Variants in PIK3R5 observed in about 807,000 individuals in gnomAD.
PIK3R5 encodes the protein phosphoinositide 3-kinase regulatory subunit 5.
PIK3R5 carries 32 observed loss-of-function variants against 94.9 expected under a neutral mutation model. The ratio of observed to expected loss-of-function variants is 0.34; its 90% confidence interval spans 0.25 to 0.45. The LOEUF (loss-of-function observed/expected upper bound fraction) is 0.45. Ranked by LOEUF, PIK3R5 falls within the 20% of genes least tolerant of loss-of-function variation. PIK3R5 has a pLI of 1.00. For missense variants in PIK3R5, 853 were observed against 1,144.6 expected (o/e 0.75, Z 3.68); for synonymous variants, 443 against 479.4 (o/e 0.92, Z 0.99).
chr17:8,963,599 G>A (rs902838955), intron 1 of PIK3R5, among the ~76,000 whole-genome samples: 2 of 149,652 alleles, frequency 1.3e-5, no homozygotes, highest in South Asian at 4.3e-4. Context: ...GCGCAGTGAA[G>A]CGATCATAGC....
At chr17:8,905,528 G>A (rs2090375137) in intron 4 of PIK3R5, 141 bp downstream of exon 4, 1 of 535,526 alleles carries the variant, frequency 1.9e-6, no homozygotes, top group African/African-American at 2.0e-5. Flanking sequence ...AGCCATCTAA[G>A]GGTTGAAACC....
In PIK3R5 at chr17:8,890,744, C is replaced by T; in HGVS notation, c.651G>A (p.Arg217=). ...AHCDVPGLHC[R]LQAKTLAELE... ...CCAGGCCCCAGGTACATACCTGTAG[C>T]CTGCAGTGCAGGCCCGGGACGTCAC... The change falls in exon 7 of 19, where the codon AGG becomes AGA. Residue 217 remains arginine (R), a synonymous_variant. Coordinates refer to ENST00000447110, the MANE Select transcript of PIK3R5 (RefSeq NM_001142633.3). This position sits in a 1 kb window ranked among gnomAD's most constrained non-coding sequence, Gnocchi z 6.1. 6.2e-7 allele frequency: 1 copy of T among 1,607,426 alleles called. No homozygotes were observed. The highest frequency in any genetic ancestry group is 8.5e-7 in the Non-Finnish European group (1 of 1,177,198).
intron 1 of PIK3R5, among the ~76,000 whole-genome samples, chr17:8,954,096 A>G (rs1187964540): frequency 6.6e-6 from 1 of 152,170 alleles, no homozygotes; most frequent in Non-Finnish European, 1.5e-5. Context: ...AAAAAGAAAA[A>G]GAAATAACTT....
chr17:8,965,124 G>A (rs958351783), intron 1 of PIK3R5, among the ~76,000 whole-genome samples: 5 of 152,234 alleles, frequency 3.3e-5, no homozygotes, highest in Admixed American at 2.0e-4. Context: ...TGGGCCCAAG[G>A]CTGGCTAACT....
chr17:8,955,436 G>A lies in PIK3R5; in HGVS notation c.-14+10160C>T, dbSNP rs1252358802. 2.0e-5 allele frequency among the ~76,000 whole-genome samples: 3 copies of A among 152,242 alleles called. No homozygotes were observed. Among genetic ancestry groups the A allele is most frequent in the South Asian group, 2.1e-4 (1 of 4,830 alleles). On this transcript the variant is annotated intron_variant, in intron 1 of 18. Coordinates refer to ENST00000447110, the MANE Select transcript of PIK3R5 (RefSeq NM_001142633.3). The surrounding 1 kb of genome is among the most constrained non-coding windows in gnomAD (Gnocchi z 4.4). Reference sequence around the variant, plus strand: ...TCAGGCAGTCTGGCTGGAGGAGAGCGTGATGATTCGTGGAGAAAGGAGTGG... The same window carrying A: ...TCAGGCAGTCTGGCTGGAGGAGAGCATGATGATTCGTGGAGAAAGGAGTGG...
chr17:8,909,035 G>A lies in PIK3R5; in HGVS notation c.204+39C>T, dbSNP rs537567377. ...ACCTATTTCTCCACTCTACGAGGCCGACCCCAGATCTGCCCTTCAATTCCT... is the reference window on the plus strand; with the variant it reads ...ACCTATTTCTCCACTCTACGAGGCCAACCCCAGATCTGCCCTTCAATTCCT... On this transcript the variant is annotated intron_variant, in intron 3 of 18. Coordinates refer to ENST00000447110, the MANE Select transcript of PIK3R5 (RefSeq NM_001142633.3). The surrounding 1 kb of genome is among the most constrained non-coding windows in gnomAD (Gnocchi z 4.3). The A allele has an allele frequency of 1.3e-5, 17 of 1,301,584 alleles. No homozygotes were observed. Among genetic ancestry groups the A allele is most frequent in the South Asian group, 6.2e-5 (5 of 80,856 alleles). The allele number at this position is 1,301,584 out of a possible 1,614,324, so 80.6% of individuals were successfully genotyped here.
chr17:8,950,383 T>C (rs559506999), intron 1 of PIK3R5, among the ~76,000 whole-genome samples: 110 of 152,332 alleles, frequency 7.2e-4, no homozygotes, highest in Non-Finnish European at 1.4e-3. Flanking sequence ...GTTTGTTATA[T>C]GGGTATATTG....
intron 1 of PIK3R5, among the ~76,000 whole-genome samples, chr17:8,927,857 G>A (rs2090916493): frequency 6.6e-6 from 1 of 152,070 alleles, no homozygotes; most frequent in Admixed American, 6.5e-5. Flanking sequence ...TCATTCCTGA[G>A]AACTGGTTGG....
At chr17:8,941,265 G>A (rs749814070) in intron 1 of PIK3R5, among the ~76,000 whole-genome samples, 21 of 152,156 alleles carry the variant, frequency 1.4e-4, no homozygotes, top group Non-Finnish European at 2.4e-4. Context: ...ACAGAGGCAC[G>A]TGGCCAAGGT....
Position 8,944,242 on chromosome 17 carries a change from T to C in PIK3R5, c.-14+21354A>G, listed in dbSNP as rs376418312. On this transcript the variant is annotated intron_variant, in intron 1 of 18. Coordinates refer to ENST00000447110, the MANE Select transcript of PIK3R5 (RefSeq NM_001142633.3). ...AGAATAATAGCTCCATCCACATTTC[T>C]GCAAAAGACATGATCTTGTTCTTTT... 3.9e-5 allele frequency among the ~76,000 whole-genome samples: 6 copies of C among 152,362 alleles called. 1 individual carries two copies. The highest frequency in any genetic ancestry group is 1.4e-4 in the African/African-American group (6 of 41,584).
At chr17:8,944,769 C>T (rs1001976337) in intron 1 of PIK3R5, among the ~76,000 whole-genome samples, 14 of 152,308 alleles carry the variant, frequency 9.2e-5, no homozygotes, top group Non-Finnish European at 1.9e-4. Context: ...GTTCCTCAGC[C>T]TTCTCAAGTG....
chr17:8,888,477 C>A lies in PIK3R5; in HGVS notation c.1310G>T (p.Arg437Leu). ...GCCCTCCAGGCTCCGAGAGTCCCTC[C>A]GCAGTACCAGCTGGCTGGTGCTCTT... ...LFKSTSQLVL[R>L]RDSRSLEGSS... The change falls in exon 10 of 19, where the codon CGG becomes CTG. Residue 437 changes from arginine to leucine, a missense_variant. By Grantham distance (102) the Arg-to-Leu change is moderately radical. This residue lies in a region of PIK3R5 where 319 missense variants were observed against 339.8 expected (regional missense o/e 0.94). Transcript: ENST00000447110. This position sits in a 1 kb window ranked among gnomAD's most constrained non-coding sequence, Gnocchi z 7.8. 6.2e-7 allele frequency: 1 copy of A among 1,604,152 alleles called. No homozygotes were observed. The highest frequency in any genetic ancestry group is 8.5e-7 in the Non-Finnish European group (1 of 1,176,162).
At position 8,920,821 on chromosome 17, in the gene PIK3R5, AT is replaced by A. The variant is rs145031391; in HGVS notation, c.-13-9315del. ...ATACAGGTCCATATGTATATTAAGT[AT>A]TTTTTTTTCTTTTTTCTTTTTCTTT... On this transcript the variant is annotated intron_variant, in intron 1 of 18. Transcript: ENST00000447110. Among the ~76,000 whole-genome samples the A allele has an allele frequency of 4.8e-3, 689 of 144,800 alleles. 5 individuals are homozygous for A. The highest frequency in any genetic ancestry group is 0.016 in the African/African-American group (638 of 39,102). The allele number at this position is 144,800 out of a possible 152,430, so 95.0% of individuals were successfully genotyped here.
intron 1 of PIK3R5, among the ~76,000 whole-genome samples, chr17:8,929,372 G>T (rs560393962): frequency 6.6e-6 from 1 of 152,034 alleles, no homozygotes; most frequent in African/African-American, 2.4e-5. Context: ...AATATATATC[G>T]TGCAAGCATT....
chr17:8,880,061 C>T lies in PIK3R5; in HGVS notation c.*578G>A, dbSNP rs1018379783. 1 of 152,154 alleles carries T rather than the reference C, an allele frequency of 6.6e-6. No homozygotes were observed. The allele number at this position is 152,154 out of a possible 1,614,324, so 9.4% of individuals were successfully genotyped here. On this transcript the variant is annotated 3_prime_UTR_variant, in exon 19 of 19. Transcript: ENST00000447110. ...GCTGTTTTTCTGGAGACTCAGGAAACTTGAGAGAAATTATTGAGGTGTGTG... is the reference window on the plus strand; with the variant it reads ...GCTGTTTTTCTGGAGACTCAGGAAATTTGAGAGAAATTATTGAGGTGTGTG...
intron 5 of PIK3R5, among the ~76,000 whole-genome samples, chr17:8,901,931 G>T (rs1197745809): frequency 6.6e-6 from 1 of 152,132 alleles, no homozygotes; most frequent in African/African-American, 2.4e-5. Context: ...TACATCCATA[G>T]GGATTCATCA....
chr17:8,880,808 A>G (rs1376432580), intron 18 of PIK3R5, 22 bp from the exon 19 acceptor site: 1 of 1,612,694 alleles, frequency 6.2e-7, no homozygotes, highest in South Asian at 1.1e-5. Flanking sequence ...GGCAGGGGCC[A>G]GGGATCAGAG....
intron 1 of PIK3R5, among the ~76,000 whole-genome samples, chr17:8,958,286 A>C (rs866857459): frequency 5.9e-4 from 90 of 152,184 alleles, no homozygotes; most frequent in African/African-American, 2.0e-3. Flanking sequence ...GTCTCAAAAA[A>C]AAAAAAAAAA....
intron 1 of PIK3R5, among the ~76,000 whole-genome samples, chr17:8,934,162 C>T (rs746959436): frequency 6.6e-6 from 1 of 152,208 alleles, no homozygotes; most frequent in African/African-American, 2.4e-5. Flanking sequence ...TCTGAGATGA[C>T]ATGACTGTAT....
Sources: gnomAD v4.1 joint callset for allele counts (sites outside exome capture counted in the v4.1 genomes callset) on GRCh38, gnomAD v4.1.1 for gene constraint, gnomAD v4.1.1 regional missense constraint, Gnocchi (gnomAD v3.1) non-coding constraint, MANE v1.5 for transcripts, NCBI Gene and HGNC (gene_info 2026-07-23, HGNC 2026-07-21) for gene names.